The following DNER variants were observed in gnomAD, a reference collection of about 807,000 sequenced individuals.
DNER encodes delta/notch like EGF repeat containing.
DNER carries 33 observed loss-of-function variants against 78.2 expected under a neutral mutation model. The observed-to-expected ratio is 0.42, with a 90% confidence interval of 0.32 to 0.56. DNER has a LOEUF of 0.56. Ranked by LOEUF, DNER falls within the 20% of genes least tolerant of loss-of-function variation. DNER has a pLI of 0.11. For missense variants in DNER, 918 were observed against 975.3 expected (o/e 0.94, Z 0.78); for synonymous variants, 417 against 384.8 (o/e 1.08, Z -0.98).
intron 9 of DNER, 120 bp from the exon 10 acceptor site, chr2:229,407,465 G>T: frequency 1.3e-6 from 1 of 781,506 alleles, no homozygotes; most frequent in Non-Finnish European, 2.1e-6. Context: ...GTGGGTGTGT[G>T]TGGGTGAGTG....
chr2:229,704,131 C>A (rs1196277709), intron 1 of DNER, among the ~76,000 whole-genome samples: 2 of 152,044 alleles, frequency 1.3e-5, no homozygotes, highest in Non-Finnish European at 2.9e-5. Flanking sequence ...TATAAAAATG[C>A]AAATTAAAAC....
At chr2:229,407,069 G>T (rs1559343268) in intron 10 of DNER, among the ~76,000 whole-genome samples, 163 bp downstream of exon 10, 1 of 152,150 alleles carries the variant, frequency 6.6e-6, no homozygotes, top group Non-Finnish European at 1.5e-5. Context: ...CACACAATGG[G>T]TTGTTTTAAA....
chr2:229,607,735 T>A (rs1697965639), intron 1 of DNER, among the ~76,000 whole-genome samples: 2 of 151,830 alleles, frequency 1.3e-5, no homozygotes, highest in African/African-American at 4.8e-5. Flanking sequence ...ACAATTAGTG[T>A]AGGAAGGATG....
chr2:229,553,487 G>C (rs1696789119), intron 4 of DNER, among the ~76,000 whole-genome samples: 1 of 152,172 alleles, frequency 6.6e-6, no homozygotes, highest in Admixed American at 6.5e-5. Flanking sequence ...GGGAGCAGTG[G>C]GGACAAGACA....
intron 6 of DNER, among the ~76,000 whole-genome samples, chr2:229,478,370 T>C (rs1464251572): frequency 6.6e-6 from 1 of 152,212 alleles, no homozygotes; most frequent in Non-Finnish European, 1.5e-5. Context: ...AGAAAAGAGA[T>C]GATTCACCTG....
At chr2:229,675,909 AC>A (rs1699293739) in intron 1 of DNER, among the ~76,000 whole-genome samples, 1 of 152,160 alleles carries the variant, frequency 6.6e-6, no homozygotes, top group Admixed American at 6.6e-5. Context: ...TCCAGGAAGT[AC>A]CACTGCCAGG....
At chr2:229,387,883 GTGTGTGTGTT>G (rs1692928466) in intron 11 of DNER, among the ~76,000 whole-genome samples, 1 of 124,416 alleles carries the variant, frequency 8.0e-6, no homozygotes, top group Admixed American at 7.9e-5. Context: ...GTGTGTGTGT[GTGTGTGTGTT>G]TTTTAATTTT....
chr2:229,369,246 TTAAAAAAAAAGTTTTAACTTTCTAAAAAG>T (rs1692423318), intron 11 of DNER, among the ~76,000 whole-genome samples: 8 of 151,546 alleles, frequency 5.3e-5, no homozygotes, highest in Admixed American at 3.3e-4. Context: ...CCTAAAAAGT[TTAAAAAAAAAGTTTTAACTTTCTAAAAAG>T]TTAAAAAAAA....
At chr2:229,381,327 C>T (rs1182885360) in intron 11 of DNER, among the ~76,000 whole-genome samples, 2 of 152,166 alleles carry the variant, frequency 1.3e-5, no homozygotes, top group Non-Finnish European at 2.9e-5. Context: ...CCCTGGGTTT[C>T]AAGCACAAAA....
intron 1 of DNER, among the ~76,000 whole-genome samples, chr2:229,614,705 C>A (rs888653675): frequency 6.6e-6 from 1 of 152,200 alleles, no homozygotes; most frequent in Non-Finnish European, 1.5e-5. Context: ...GGGCTCCAGC[C>A]CTGCCTCCTC....
At chr2:229,619,303 T>C (rs976246750) in intron 1 of DNER, among the ~76,000 whole-genome samples, 1 of 152,186 alleles carries the variant, frequency 6.6e-6, no homozygotes, top group African/African-American at 2.4e-5. Flanking sequence ...GGTTAGGATA[T>C]TTTATTTTCA....
At chr2:229,522,829 C>T (rs1300947741) in intron 5 of DNER, among the ~76,000 whole-genome samples, 1 of 152,128 alleles carries the variant, frequency 6.6e-6, no homozygotes, top group South Asian at 2.1e-4. Context: ...TGAAGGAAGC[C>T]CTGCCATGTG....
At chr2:229,710,134 G>T (rs1054931395) in intron 1 of DNER, among the ~76,000 whole-genome samples, 7 of 152,184 alleles carry the variant, frequency 4.6e-5, no homozygotes, top group Non-Finnish European at 4.4e-5. Flanking sequence ...GAAGGTTCCT[G>T]GTTAGCATGT....
intron 8 of DNER, among the ~76,000 whole-genome samples, chr2:229,439,572 C>G (rs1345258867): frequency 6.6e-6 from 1 of 152,218 alleles, no homozygotes; most frequent in African/African-American, 2.4e-5. Context: ...AAAGGCAAGG[C>G]ATGCAGGATT....
intron 11 of DNER, among the ~76,000 whole-genome samples, chr2:229,381,202 C>T (rs1692727313): frequency 2.0e-5 from 3 of 151,930 alleles, no homozygotes; most frequent in Admixed American, 2.0e-4. Context: ...CCAAGGGAAG[C>T]CATGAGGGAC....
chr2:229,611,289 C>G (rs1293403345), intron 1 of DNER, among the ~76,000 whole-genome samples: 1 of 152,052 alleles, frequency 6.6e-6, no homozygotes, highest in Non-Finnish European at 1.5e-5. Flanking sequence ...TAAAAAGAAC[C>G]ATTAGCAATG....
intron 5 of DNER, among the ~76,000 whole-genome samples, chr2:229,522,057 C>A (rs1696110185): frequency 6.6e-6 from 1 of 152,042 alleles, no homozygotes; most frequent in Non-Finnish European, 1.5e-5. Context: ...ACATGCAGAT[C>A]ATCTCAGCAT....
At position 229,591,943 on chromosome 2, in the gene DNER, T is replaced by C; in HGVS notation, c.277-55A>G. 6.9e-7 allele frequency: 1 copy of C among 1,450,788 alleles called. No homozygotes were observed. 89.9% of individuals were successfully genotyped at this position (1,450,788 alleles called of 1,614,324 possible). On this transcript the variant is annotated intron_variant, in intron 1 of 12. Coordinates refer to ENST00000341772, the MANE Select transcript of DNER (RefSeq NM_139072.4). This position sits in a 1 kb window ranked among gnomAD's most constrained non-coding sequence, Gnocchi z 4.6. ...TTCCCTCATAAGAAAAGTGGTGCCATCGCTGGGAAATTAGCTCTGTGTCTC... is the reference window on the plus strand; with the variant it reads ...TTCCCTCATAAGAAAAGTGGTGCCACCGCTGGGAAATTAGCTCTGTGTCTC...
chr2:229,591,753 T>C lies in DNER; in HGVS notation c.412A>G (p.Ser138Gly), dbSNP rs758789656. 48 of 1,614,062 alleles carry C rather than the reference T, an allele frequency of 3.0e-5. No individual in the cohort carries two copies. Among genetic ancestry groups the C allele is most frequent in the Non-Finnish European group, 4.0e-5 (47 of 1,180,042 alleles). ...EGPNCEQALP[S>G]LPATGWTESM... ...TCGGTCCAGCCAGTGGCTGGGAGAC[T>C]GGGAAGTGCCTGTTCACAGTTGGGA... The change falls in exon 2 of 13, where the codon AGT (serine) becomes GGT (glycine). Residue 138 changes from serine (S) to glycine (G), a missense_variant. Coordinates refer to ENST00000341772, the MANE Select transcript of DNER (RefSeq NM_139072.4). The surrounding 1 kb of genome is among the most constrained non-coding windows in gnomAD (Gnocchi z 4.6).
Sources: allele counts gnomAD v4.1 joint callset (sites outside exome capture counted in the v4.1 genomes callset), GRCh38; gene constraint gnomAD v4.1.1; non-coding constraint Gnocchi (gnomAD v3.1); transcripts MANE v1.5; gene names NCBI Gene and HGNC (gene_info 2026-07-23, HGNC 2026-07-21).